The following PTCHD4 variants were observed in gnomAD, a reference collection of about 807,000 sequenced individuals.
PTCHD4 encodes the protein patched domain-containing protein 4.
PTCHD4 carries 33 observed loss-of-function variants against 58.1 expected under a neutral mutation model. That is an observed-to-expected ratio of 0.57 (90% CI 0.43 to 0.76). The LOEUF is 0.76. Ranked by LOEUF, PTCHD4 falls within the 30% of genes least tolerant of loss-of-function variation. The pLI, the probability that PTCHD4 is intolerant of heterozygous loss-of-function variation, is 0.00. For synonymous variants in PTCHD4, 478 were observed against 409.6 expected, an observed-to-expected ratio of 1.17 and a Z score of -2.02; for missense variants, 1,058 against 1,027.1, an observed-to-expected ratio of 1.03 and a Z score of -0.41.
At chr6:48,052,730 A>G (rs1488105631) in intron 3 of PTCHD4, among the ~76,000 whole-genome samples, 1 of 152,088 alleles carries the variant, frequency 6.6e-6, no homozygotes. Flanking sequence ...AGTATTTAAT[A>G]TAAAGGTGAT....
chr6:48,041,935 T>C (rs893622829), intron 3 of PTCHD4, among the ~76,000 whole-genome samples: 1 of 152,096 alleles, frequency 6.6e-6, no homozygotes, highest in African/African-American at 2.4e-5. Context: ...AAGAAAGAGC[T>C]GCTCATTGCA....
chr6:47,929,495 C>T (rs1052940640), intron 4 of PTCHD4, among the ~76,000 whole-genome samples: 8 of 152,182 alleles, frequency 5.3e-5, no homozygotes, highest in Non-Finnish European at 1.2e-4. Flanking sequence ...TAAGATGCTG[C>T]CTATTTTGAA....
At chr6:48,076,727 GC>G (rs1469215898) in intron 1 of PTCHD4, among the ~76,000 whole-genome samples, 5 of 152,176 alleles carry the variant, frequency 3.3e-5, no homozygotes, top group Non-Finnish European at 7.3e-5. Context: ...CATGAATTAG[GC>G]TGCCCTCAGA....
intron 4 of PTCHD4, among the ~76,000 whole-genome samples, chr6:47,984,909 A>G (rs1441907969): frequency 1.3e-5 from 2 of 152,114 alleles, no homozygotes; most frequent in Admixed American, 6.5e-5. Flanking sequence ...GTAAATCTTG[A>G]AGACAAACTT....
At chr6:48,061,371 C>T (rs913876540) in intron 3 of PTCHD4, among the ~76,000 whole-genome samples, 7 of 152,182 alleles carry the variant, frequency 4.6e-5, no homozygotes, top group South Asian at 2.1e-4. Flanking sequence ...TCTCCAGATA[C>T]CTCTTTGGTG....
At position 48,048,598 on chromosome 6, in the gene PTCHD4, TC is replaced by T. The variant is rs1764121588; in HGVS notation, c.417+19631del. On this transcript the variant is annotated intron_variant, in intron 3 of 4. Transcript: ENST00000339488. Reference sequence around the variant, plus strand: ...GGCCTCTGTGATTTAGTAGGCCTTTTCCCTCCTTTGTGCCAGTGACTAGGTT... The same window carrying T: ...GGCCTCTGTGATTTAGTAGGCCTTTTCCTCCTTTGTGCCAGTGACTAGGTT... 2.0e-5 allele frequency among the ~76,000 whole-genome samples: 3 copies of T among 152,012 alleles called. 1 individual carries two copies. The South Asian group carries it at 6.2e-4, about 32-fold the overall frequency.
intron 4 of PTCHD4, among the ~76,000 whole-genome samples, chr6:47,948,551 A>G (rs991946075): frequency 1.3e-5 from 2 of 152,160 alleles, no homozygotes; most frequent in Non-Finnish European, 2.9e-5. Flanking sequence ...GATTTTATAA[A>G]CTTTAAAATG....
At chr6:47,882,721 C>A (rs1764054839) in intron 4 of PTCHD4, among the ~76,000 whole-genome samples, 1 of 50,156 alleles carries the variant, frequency 2.0e-5, no homozygotes, top group Admixed American at 3.1e-4. Flanking sequence ...TGCTATGAAT[C>A]CATTTCTAAT....
rs566034662 is a variant in PTCHD4 at position 48,093,987 on chromosome 6, A to C, written c.-970+17062T>G. Among the ~76,000 whole-genome samples, 156 of 152,324 alleles carry C rather than the reference A, an allele frequency of 1.0e-3. 1 individual carries two copies. Among genetic ancestry groups the C allele is most frequent in the Middle Eastern group, 3.4e-3 (1 of 294 alleles). ...AGTCTTATGCAAACTTCATCCTACC[A>C]CGAAATTAATGACATAAAATGTGTA... On this transcript the variant is annotated intron_variant, in intron 1 of 4. Coordinates refer to ENST00000339488, the MANE Select transcript of PTCHD4 (RefSeq NM_001384253.1).
At chr6:47,982,461 C>G (rs111796134) in intron 4 of PTCHD4, among the ~76,000 whole-genome samples, 13 of 149,534 alleles carry the variant, frequency 8.7e-5, no homozygotes, top group Non-Finnish European at 1.6e-4. Context: ...AGGTGTCACA[C>G]TAGTCTGTTT....
chr6:48,040,575 G>A (rs912319417), intron 3 of PTCHD4, among the ~76,000 whole-genome samples: 4 of 151,994 alleles, frequency 2.6e-5, no homozygotes, highest in South Asian at 2.1e-4. Context: ...TCTATATTAC[G>A]AACAAGGAGT....
chr6:48,038,407 C>T (rs2814481), intron 3 of PTCHD4, among the ~76,000 whole-genome samples: 87,594 of 151,652 alleles, frequency 0.58, 25,436 homozygotes, highest in East Asian at 0.73. Context: ...TTTGGGAGGC[C>T]GAGGCGGGCA....
At chr6:48,002,574 A>G (rs1219218962) in intron 4 of PTCHD4, among the ~76,000 whole-genome samples, 1 of 150,778 alleles carries the variant, frequency 6.6e-6, no homozygotes, top group Non-Finnish European at 1.5e-5. Flanking sequence ...ACACATGGAC[A>G]CAGGAAGGGG....
intron 4 of PTCHD4, among the ~76,000 whole-genome samples, chr6:47,961,825 TAAATC>T (rs1245595726): frequency 6.6e-6 from 1 of 152,136 alleles, no homozygotes; most frequent in African/African-American, 2.4e-5. Flanking sequence ...AGAAAGATCT[TAAATC>T]AGACATCTCA....
rs186709781 is a variant in PTCHD4 at position 47,893,149 on chromosome 6, T to C, written c.899-13213A>G. Among the ~76,000 whole-genome samples, 473 of 152,318 alleles carry C rather than the reference T, an allele frequency of 3.1e-3. 1 individual carries two copies. Among genetic ancestry groups the C allele is most frequent in the Non-Finnish European group, 5.0e-3 (339 of 68,024 alleles). On this transcript the variant is annotated intron_variant, in intron 4 of 4. Coordinates refer to ENST00000339488, the MANE Select transcript of PTCHD4 (RefSeq NM_001384253.1). Reference sequence around the variant, plus strand: ...CCTCAGCCTCCCGAGTAGCTGGGACTACAGGCGTGTGCCACCACGCCCAGC... The same window carrying C: ...CCTCAGCCTCCCGAGTAGCTGGGACCACAGGCGTGTGCCACCACGCCCAGC...
rs185833733 is a variant in PTCHD4 at position 48,004,625 on chromosome 6, T to A, written c.898+4009A>T. 3.5e-3 allele frequency among the ~76,000 whole-genome samples: 540 copies of A among 152,220 alleles called. 6 individuals are homozygous for A. The highest frequency in any genetic ancestry group is 0.012 in the African/African-American group (493 of 41,546). On this transcript the variant is annotated intron_variant, in intron 4 of 4. Coordinates refer to ENST00000339488, the MANE Select transcript of PTCHD4 (RefSeq NM_001384253.1). ...AATGAGGTCCTTTCAAGTATTTTTT[T>A]AAAAAATTATGGCCCAGCACGGTGG...
intron 1 of PTCHD4, among the ~76,000 whole-genome samples, chr6:48,106,442 A>G (rs1397056007): frequency 6.6e-6 from 1 of 152,114 alleles, no homozygotes; most frequent in Non-Finnish European, 1.5e-5. Flanking sequence ...GGTATTGATA[A>G]GACGTATCTC....
At chr6:48,022,633 C>T (rs1463139398) in intron 3 of PTCHD4, among the ~76,000 whole-genome samples, 1 of 152,074 alleles carries the variant, frequency 6.6e-6, no homozygotes, top group East Asian at 1.9e-4. Flanking sequence ...CTTACCTTTG[C>T]AAGAGTGTTA....
chr6:47,956,494 C>T (rs1766866109), intron 4 of PTCHD4, among the ~76,000 whole-genome samples: 2 of 151,758 alleles, frequency 1.3e-5, no homozygotes, highest in African/African-American at 4.8e-5. Flanking sequence ...AGTGCAGTGG[C>T]ATGATCTCGG....
Sources: allele counts gnomAD v4.1 joint callset (sites outside exome capture counted in the v4.1 genomes callset), GRCh38; gene constraint gnomAD v4.1.1; transcripts MANE v1.5; gene names NCBI Gene and HGNC (gene_info 2026-07-23, HGNC 2026-07-21).